Variants in DENND1A observed in about 807,000 individuals in gnomAD.
The protein encoded by DENND1A is DENN domain-containing protein 1A.
In DENND1A, 51 loss-of-function variants were observed where a neutral mutation model predicts 113.7. That is an observed-to-expected ratio of 0.45 (90% CI 0.36 to 0.57). The LOEUF is 0.57. DENND1A is among the 20% of genes least tolerant of loss of function. The pLI, the probability that DENND1A is intolerant of heterozygous loss-of-function variation, is 0.00. For synonymous variants in DENND1A, 565 were observed against 570.8 expected (o/e 0.99, Z 0.14); for missense variants, 1,258 against 1,395.9 (o/e 0.90, Z 1.57).
At chr9:123,702,535 A>G (rs2065943541) in intron 5 of DENND1A, among the ~76,000 whole-genome samples, 1 of 152,232 alleles carries the variant, frequency 6.6e-6, no homozygotes, top group South Asian at 2.1e-4. Context: ...GATCAAAGAC[A>G]AAGAGAAAAT....
intron 5 of DENND1A, among the ~76,000 whole-genome samples, chr9:123,727,027 G>C (rs1051341665): frequency 6.6e-6 from 1 of 152,174 alleles, no homozygotes; most frequent in Non-Finnish European, 1.5e-5. Flanking sequence ...GCTCAGTGTT[G>C]TCACGTGTAA....
intron 5 of DENND1A, among the ~76,000 whole-genome samples, chr9:123,738,441 TTCTGTGTGTGTG>T (rs1439159772): frequency 2.4e-5 from 3 of 123,376 alleles, no homozygotes; most frequent in Non-Finnish European, 5.1e-5. Flanking sequence ...TGTCAACAGC[TTCTGTGTGTGTG>T]TGTGTGTGTG....
At chr9:123,694,879 G>A (rs1044677719) in intron 5 of DENND1A, among the ~76,000 whole-genome samples, 1 of 152,210 alleles carries the variant, frequency 6.6e-6, no homozygotes, top group Non-Finnish European at 1.5e-5. Flanking sequence ...ACAAAGTATT[G>A]ATCCTGGGTG....
chr9:123,421,169 TCTC>T (rs987668655), intron 19 of DENND1A, among the ~76,000 whole-genome samples: 1 of 149,304 alleles, frequency 6.7e-6, no homozygotes, highest in African/African-American at 2.5e-5. Flanking sequence ...GGGGAAATGA[TCTC>T]CTCTCTGGGG....
At chr9:123,772,687 G>A (rs1021430472) in intron 3 of DENND1A, among the ~76,000 whole-genome samples, 1 of 152,066 alleles carries the variant, frequency 6.6e-6, no homozygotes, top group African/African-American at 2.4e-5. Context: ...ATCTTTTTAT[G>A]TACAGTTTGA....
At chr9:123,820,439 A>G (rs983339240) in intron 2 of DENND1A, among the ~76,000 whole-genome samples, 1 of 152,214 alleles carries the variant, frequency 6.6e-6, no homozygotes, top group Non-Finnish European at 1.5e-5. Context: ...CACATGGACA[A>G]TGAAAGGCCC....
intron 11 of DENND1A, among the ~76,000 whole-genome samples, chr9:123,587,204 G>A (rs1457260851): frequency 1.3e-5 from 2 of 152,130 alleles, no homozygotes; most frequent in Admixed American, 6.5e-5. Context: ...GTCACATGGG[G>A]ATGAAGTAAT....
At chr9:123,525,903 G>A (rs979560552) in intron 13 of DENND1A, among the ~76,000 whole-genome samples, 1 of 151,758 alleles carries the variant, frequency 6.6e-6, no homozygotes, top group Non-Finnish European at 1.5e-5. Context: ...GACTACAGGT[G>A]CACACCACCA....
chr9:123,801,289 C>T (rs147534299), intron 2 of DENND1A, among the ~76,000 whole-genome samples: 78 of 152,330 alleles, frequency 5.1e-4, no homozygotes, highest in Non-Finnish European at 1.0e-3. Flanking sequence ...CCAACTGAAA[C>T]CTTGAACCCA....
rs186635506 is a variant in DENND1A, at chr9:123,438,342, G to A, written c.1488+2018C>T. 2.0e-5 allele frequency among the ~76,000 whole-genome samples: 3 copies of A among 152,314 alleles called. No individual in the cohort carries two copies. The East Asian group carries it at 5.8e-4, about 29-fold the overall frequency. ...TCTGTCACCTAATGAAGAAGGGGCC[G>A]GCATAAGTGAGCTAGCTGGCAGTTC... On this transcript the variant is annotated intron_variant, in intron 19 of 23. Coordinates refer to ENST00000394215, the MANE Select transcript of DENND1A (RefSeq NM_001352964.2).
chr9:123,601,264 A>G (rs1681337256), intron 11 of DENND1A, among the ~76,000 whole-genome samples: 2 of 152,194 alleles, frequency 1.3e-5, no homozygotes, highest in African/African-American at 4.8e-5. Flanking sequence ...GAGATACTTA[A>G]CTCAGCCAGA....
chr9:123,737,504 A>C (rs2068656937), intron 5 of DENND1A, among the ~76,000 whole-genome samples: 2 of 152,206 alleles, frequency 1.3e-5, no homozygotes, highest in African/African-American at 4.8e-5. Context: ...CAGTTTTTAA[A>C]GGGCAACCCA....
chr9:123,663,647 G>A (rs1056173867), intron 8 of DENND1A, among the ~76,000 whole-genome samples: 1 of 151,642 alleles, frequency 6.6e-6, no homozygotes, highest in African/African-American at 2.4e-5. Flanking sequence ...GGGAGAGTGG[G>A]ATTGGGGTTG....
intron 13 of DENND1A, among the ~76,000 whole-genome samples, chr9:123,515,411 G>C (rs2053818341): frequency 6.6e-6 from 1 of 152,134 alleles, no homozygotes; most frequent in African/African-American, 2.4e-5. Context: ...AAATACTTAG[G>C]AGTGAAGCGT....
At chr9:123,884,349 T>G (rs1190718075) in intron 1 of DENND1A, among the ~76,000 whole-genome samples, 1 of 152,232 alleles carries the variant, frequency 6.6e-6, no homozygotes, top group African/African-American at 2.4e-5. Flanking sequence ...GAATGCCACA[T>G]TCAGAGCCAA....
intron 10 of DENND1A, among the ~76,000 whole-genome samples, chr9:123,620,213 CA>C (rs34196587): frequency 0.016 from 935 of 59,046 alleles, 3 homozygotes; most frequent in Non-Finnish European, 0.02. Context: ...GACTCCATCT[CA>C]AAAAAAAAAA....
chr9:123,763,992 T>A (rs775681612), intron 4 of DENND1A, among the ~76,000 whole-genome samples: 2 of 152,134 alleles, frequency 1.3e-5, no homozygotes, highest in Non-Finnish European at 2.9e-5. Context: ...AACTTGTTTT[T>A]AAGCTGTTGG....
intron 1 of DENND1A, among the ~76,000 whole-genome samples, chr9:123,917,920 C>T (rs1480591911): frequency 1.3e-5 from 2 of 151,528 alleles, no homozygotes; most frequent in Non-Finnish European, 2.9e-5. Flanking sequence ...ACCATCCTGG[C>T]TAACACGGTG....
At chr9:123,706,499 C>T (rs113133993) in intron 5 of DENND1A, among the ~76,000 whole-genome samples, 28,835 of 151,212 alleles carry the variant, frequency 0.19, 3,034 homozygotes, top group African/African-American at 0.29. Flanking sequence ...CGGCTGGGCG[C>T]GGTGGCTCAC....
Sources: allele counts gnomAD v4.1 joint callset (sites outside exome capture counted in the v4.1 genomes callset), GRCh38; gene constraint gnomAD v4.1.1; transcripts MANE v1.5; gene names NCBI Gene and HGNC (gene_info 2026-07-23, HGNC 2026-07-21).